The following RNF125 variants were observed in gnomAD, a reference collection of about 807,000 sequenced individuals.
The protein encoded by RNF125 is ring finger protein 125.
RNF125 carries 21 observed loss-of-function variants against 26.0 expected under a neutral mutation model. The observed-to-expected ratio is 0.81, with a 90% confidence interval of 0.57 to 1.16. RNF125 has a LOEUF of 1.16. Ranked by LOEUF, RNF125 falls within the 50% of genes most tolerant of loss-of-function variation. The pLI is 0.00. For synonymous variants in RNF125, 95 were observed against 109.2 expected (o/e 0.87, Z 0.81); for missense variants, 270 against 299.4 (o/e 0.90, Z 0.72).
chr18:32,050,722 A>C (rs2039315391), intron 4 of RNF125, among the ~76,000 whole-genome samples: 2 of 152,068 alleles, frequency 1.3e-5, no homozygotes, highest in African/African-American at 4.8e-5. Context: ...CTTTAGACTG[A>C]ATTATGAGAC....
At chr18:32,022,215 G>A (rs2038992738) in intron 1 of RNF125, among the ~76,000 whole-genome samples, 1 of 152,138 alleles carries the variant, frequency 6.6e-6, no homozygotes, top group Non-Finnish European at 1.5e-5. Context: ...ATTTTTGTTT[G>A]TAAACCTATT....
At chr18:32,026,445 C>T (rs1468574068) in intron 1 of RNF125, among the ~76,000 whole-genome samples, 4 of 151,878 alleles carry the variant, frequency 2.6e-5, no homozygotes, top group Non-Finnish European at 5.9e-5. Flanking sequence ...GAAGAGGTTT[C>T]ACCATGTTGC....
In RNF125 at chr18:32,072,059, C is replaced by G. The variant is rs2039538871; in HGVS notation, c.*3675C>G. On this transcript the variant is annotated 3_prime_UTR_variant, in exon 6 of 6. Coordinates refer to ENST00000217740, the MANE Select transcript of RNF125 (RefSeq NM_017831.4). ...AACAAACAAACAAACAAACAAAAAG[C>G]TGGGCATGATGCACACCTTTAGTTT... 1 of 152,144 alleles carries G rather than the reference C, an allele frequency of 6.6e-6. No homozygotes were observed. The highest frequency in any genetic ancestry group is 1.9e-4 in the East Asian group (1 of 5,184). The allele number at this position is 152,144 out of a possible 1,614,324, so 9.4% of individuals were successfully genotyped here.
chr18:32,042,162 A>T lies in RNF125; in HGVS notation c.319-17A>T. On this transcript the variant is annotated splice_polypyrimidine_tract_variant and intron_variant, in intron 2 of 5. Transcript: ENST00000217740. The stretch of plus-strand genomic sequence containing the variant: ...CTTTTTTAACAGTGAGTTTATTTTG[A>T]ATTTGTTTTTATGTAGGTTTGCCTC... 11 of 1,583,088 alleles carry T rather than the reference A, an allele frequency of 6.9e-6. No individual in the cohort carries two copies. The highest frequency in any genetic ancestry group is 9.5e-6 in the Non-Finnish European group (11 of 1,153,930).
At position 32,037,103 on chromosome 18, in the gene RNF125, C is replaced by T; in HGVS notation, c.165-13C>T. 6.3e-7 allele frequency: 1 copy of T among 1,579,110 alleles called. No individual in the cohort carries two copies. The highest frequency in any genetic ancestry group is 8.6e-7 in the Non-Finnish European group (1 of 1,167,646). ...TCAAGGAAAGTGATGTATTTTTGGT[C>T]TGTTTGGGGTAGATTCTGCCGTTCC... On this transcript the variant is annotated splice_polypyrimidine_tract_variant and intron_variant, in intron 1 of 5. Coordinates refer to ENST00000217740, the MANE Select transcript of RNF125 (RefSeq NM_017831.4).
chr18:32,062,769 A>G (rs1568208097), intron 4 of RNF125, among the ~76,000 whole-genome samples: 1 of 151,386 alleles, frequency 6.6e-6, no homozygotes, highest in African/African-American at 2.4e-5. Context: ...AATTCAAGCT[A>G]TTTTTTTTTC....
downstream of RNF125, among the ~76,000 whole-genome samples, chr18:32,075,679 G>A (rs1322473103): frequency 1.8e-5 from 2 of 112,852 alleles, no homozygotes; most frequent in Non-Finnish European, 3.3e-5. Flanking sequence ...GGCAACAAGA[G>A]CTAAACTCCA....
chr18:32,072,020 TAAACAA>T lies in RNF125; in HGVS notation c.*3650_*3655del, dbSNP rs1450114447. The T allele has an allele frequency of 4.6e-5, 7 of 151,992 alleles. No homozygotes were observed. The highest frequency in any genetic ancestry group is 8.8e-5 in the Non-Finnish European group (6 of 68,040). 9.4% of individuals were successfully genotyped at this position (151,992 alleles called of 1,614,324 possible). A position where few individuals can be genotyped will look rare whatever the true frequency, so the allele number is the denominator to read the frequency against. ...GCAATATAGTGAGACTCTTTCTATT[TAAACAA>T]AAACAAAAACAAACAAACAAACAAA... On this transcript the variant is annotated 3_prime_UTR_variant, in exon 6 of 6. Transcript: ENST00000217740.
Position 32,041,620 on chromosome 18 carries a change from C to CTTT in RNF125, c.319-533_319-531dup, listed in dbSNP as rs60264747. On this transcript the variant is annotated intron_variant, in intron 2 of 5. Coordinates refer to ENST00000217740, the MANE Select transcript of RNF125 (RefSeq NM_017831.4). The stretch of plus-strand genomic sequence containing the variant: ...CTATCTACTTTAAAAAATGTAGATG[C>CTTT]TTTTTTTTTTTTTTTTTTTTTTTTT... 4.1e-4 allele frequency among the ~76,000 whole-genome samples: 38 copies of CTTT among 93,274 alleles called. 5 individuals are homozygous for CTTT. The highest frequency in any genetic ancestry group is 5.1e-4 in the African/African-American group (13 of 25,422). 61.2% of individuals were successfully genotyped at this position (93,274 alleles called of 152,430 possible).
rs769263274 is a variant in RNF125, at chr18:32,065,991, G to A, written c.594G>A (p.Leu198=). The part of the protein sequence containing the change: ...LIRHLQVSHT[L]FYDDFIDFNI... ...GACATCTGCAAGTTAGTCACACTTTGTTTTATGATGATTTCATAGTAAGTA... is the reference window on the plus strand; with the variant it reads ...GACATCTGCAAGTTAGTCACACTTTATTTTATGATGATTTCATAGTAAGTA... The change falls in exon 5 of 6, where the codon TTG becomes TTA. Residue 198 remains leucine, a synonymous_variant. Coordinates refer to ENST00000217740, the MANE Select transcript of RNF125 (RefSeq NM_017831.4). 2 of 1,598,216 alleles carry A rather than the reference G, an allele frequency of 1.3e-6. No individual in the cohort carries two copies. Among genetic ancestry groups the A allele is most frequent in the Non-Finnish European group, 1.7e-6 (2 of 1,165,778 alleles).
the RNF125 span, among the ~76,000 whole-genome samples, chr18:32,081,042 C>T: frequency 4.9e-4 from 75 of 151,612 alleles, no homozygotes; most frequent in African/African-American, 1.5e-3. Context: ...AATCATTAAC[C>T]GAGTGTGATG....
At chr18:32,035,859 A>G (rs2039147176) in intron 1 of RNF125, among the ~76,000 whole-genome samples, 1 of 152,160 alleles carries the variant, frequency 6.6e-6, no homozygotes, top group African/African-American at 2.4e-5. Context: ...AGGGGATAGA[A>G]TTGTGTCTGG....
intron 4 of RNF125, among the ~76,000 whole-genome samples, chr18:32,064,400 T>TTTTC (rs1555694461): frequency 3.3e-5 from 4 of 119,510 alleles, no homozygotes; most frequent in Admixed American, 8.3e-5. Flanking sequence ...CTTTTTCTTT[T>TTTTC]TTTTTTTTTT....
At chr18:32,048,006 T>C (rs685446) in intron 4 of RNF125, among the ~76,000 whole-genome samples, 61,469 of 151,864 alleles carry the variant, frequency 0.4, 12,430 homozygotes, top group South Asian at 0.44. Flanking sequence ...CATGCGCCTT[T>C]AGTCCCAGCT....
At chr18:32,086,220 C>CTT in the RNF125 span, among the ~76,000 whole-genome samples, 3 of 136,588 alleles carry the variant, frequency 2.2e-5, no homozygotes, top group African/African-American at 5.3e-5. Context: ...GTAGATTTGT[C>CTT]TTTTTTTTTT....
intron 4 of RNF125, among the ~76,000 whole-genome samples, chr18:32,053,075 G>A (rs2039344115): frequency 6.6e-6 from 1 of 152,128 alleles, no homozygotes; most frequent in Non-Finnish European, 1.5e-5. Context: ...GAAAATAGAT[G>A]TCATTGGCTG....
At chr18:32,033,195 G>C (rs2039116250) in intron 1 of RNF125, among the ~76,000 whole-genome samples, 1 of 152,176 alleles carries the variant, frequency 6.6e-6, no homozygotes, top group African/African-American at 2.4e-5. Context: ...TGGAAAGGGA[G>C]AAGAGGACAT....
chr18:32,087,073 G>A, the RNF125 span, among the ~76,000 whole-genome samples: 3 of 151,982 alleles, frequency 2.0e-5, no homozygotes, highest in Non-Finnish European at 2.9e-5. Flanking sequence ...AAGAGGAAAC[G>A]GCCAATCTAG....
intron 2 of RNF125, among the ~76,000 whole-genome samples, chr18:32,037,614 C>T (rs570228887): frequency 5.3e-5 from 8 of 151,996 alleles, no homozygotes; most frequent in Admixed American, 1.3e-4. Flanking sequence ...CCTCATTACC[C>T]GCCTGCCTCG....
Sources: allele counts gnomAD v4.1 joint callset (sites outside exome capture counted in the v4.1 genomes callset), GRCh38; gene constraint gnomAD v4.1.1; transcripts MANE v1.5; gene names NCBI Gene and HGNC (gene_info 2026-07-23, HGNC 2026-07-21).